ATF7: variants seen among roughly 807,000 people sequenced by gnomAD.
ATF7 encodes the protein cyclic AMP-dependent transcription factor ATF-7.
ATF7 carries 10 observed loss-of-function variants against 50.4 expected under a neutral mutation model. That is an observed-to-expected ratio of 0.20 (90% CI 0.12 to 0.34). ATF7 has a LOEUF of 0.34. Ranked by LOEUF, ATF7 falls within the 10% of genes least tolerant of loss-of-function variation. ATF7 has a pLI of 1.00. For missense variants in ATF7, 465 were observed against 613.9 expected (o/e 0.76, Z 2.56); for synonymous variants, 201 against 226.4 (o/e 0.89, Z 1.01).
intron 1 of ATF7, among the ~76,000 whole-genome samples, chr12:53,613,369 CA>C (rs1943979997): frequency 6.6e-6 from 1 of 152,106 alleles, no homozygotes; most frequent in Admixed American, 6.5e-5. Context: ...TCTTTTTAAA[CA>C]AAATAGTTAT....
At chr12:53,557,518 C>A (rs972137278) in intron 2 of ATF7, among the ~76,000 whole-genome samples, 2 of 152,152 alleles carry the variant, frequency 1.3e-5, no homozygotes, top group Non-Finnish European at 2.9e-5. Flanking sequence ...TTTGTTAATA[C>A]CCTTAAAGGA....
intron 5 of ATF7, among the ~76,000 whole-genome samples, chr12:53,534,913 C>T (rs1939128560): frequency 1.3e-5 from 2 of 152,106 alleles, no homozygotes; most frequent in Non-Finnish European, 2.9e-5. Context: ...TGGAATATCA[C>T]TTGAAATCTC....
At position 53,575,199 on chromosome 12, in the gene ATF7, A is replaced by G. The variant is rs1469575522; in HGVS notation, c.49-22562T>C. Among the ~76,000 whole-genome samples the G allele has an allele frequency of 1.2e-3, 183 of 151,226 alleles. 1 individual carries two copies. The South Asian group carries it at 0.014, about 11-fold the overall frequency. On this transcript the variant is annotated intron_variant, in intron 2 of 11. Coordinates refer to ENST00000420353, the MANE Select transcript of ATF7 (RefSeq NM_006856.3). ...GAGGCAGGCGGATCACCTGAGGTTGAGAGTTCGAGACCAGCCTGACCAACA... is the reference window on the plus strand; with the variant it reads ...GAGGCAGGCGGATCACCTGAGGTTGGGAGTTCGAGACCAGCCTGACCAACA...
At chr12:53,573,177 CTG>C (rs1052744279) in intron 2 of ATF7, among the ~76,000 whole-genome samples, 1 of 150,948 alleles carries the variant, frequency 6.6e-6, no homozygotes, top group Non-Finnish European at 1.5e-5. Context: ...ATTTTTATAA[CTG>C]TTCTATTTTA....
intron 1 of ATF7, among the ~76,000 whole-genome samples, chr12:53,625,280 G>T (rs981644336): frequency 1.3e-5 from 2 of 152,126 alleles, no homozygotes; most frequent in African/African-American, 4.8e-5. Context: ...TTGGGTAATA[G>T]AAGAGAGGGA....
intron 1 of ATF7, among the ~76,000 whole-genome samples, chr12:53,605,287 G>T (rs1280981020): frequency 7.3e-5 from 11 of 151,526 alleles, no homozygotes; most frequent in Non-Finnish European, 5.9e-5. Flanking sequence ...TACTTGGGAG[G>T]CTGAGGCAGG....
At chr12:53,536,621 CT>C (rs1939242288) in intron 5 of ATF7, among the ~76,000 whole-genome samples, 3 of 150,692 alleles carry the variant, frequency 2.0e-5, no homozygotes, top group South Asian at 4.4e-4. Flanking sequence ...GGCGCGGTGG[CT>C]CAATCCTGTA....
At chr12:53,617,803 C>T (rs932696040) in intron 1 of ATF7, among the ~76,000 whole-genome samples, 8 of 151,376 alleles carry the variant, frequency 5.3e-5, no homozygotes, top group African/African-American at 1.5e-4. Context: ...CCTTCATTTC[C>T]GAGGAAGTGA....
intron 2 of ATF7, among the ~76,000 whole-genome samples, chr12:53,570,414 A>C (rs1941683491): frequency 6.6e-6 from 1 of 152,196 alleles, no homozygotes. Context: ...AGGGGCTAAG[A>C]GGTTGGAACT....
At chr12:53,596,362 C>T (rs1943157026) in intron 2 of ATF7, among the ~76,000 whole-genome samples, 1 of 152,058 alleles carries the variant, frequency 6.6e-6, no homozygotes, top group Admixed American at 6.6e-5. Context: ...AAACCTTTCT[C>T]ACTGGCTAAG....
At chr12:53,533,984 A>T (rs1405883411) in intron 6 of ATF7, among the ~76,000 whole-genome samples, 1 of 152,226 alleles carries the variant, frequency 6.6e-6, no homozygotes, top group Non-Finnish European at 1.5e-5. Flanking sequence ...AAATTAAGAA[A>T]GTATTACCCC....
At chr12:53,577,603 CT>C (rs1401929738) in intron 2 of ATF7, among the ~76,000 whole-genome samples, 2 of 151,596 alleles carry the variant, frequency 1.3e-5, no homozygotes, top group Non-Finnish European at 2.9e-5. Flanking sequence ...GTAATCCCAG[CT>C]ACTCGGGAGG....
At chr12:53,522,332 G>A (rs1480502997) in intron 11 of ATF7, among the ~76,000 whole-genome samples, 1 of 152,072 alleles carries the variant, frequency 6.6e-6, no homozygotes, top group Non-Finnish European at 1.5e-5. Flanking sequence ...GCTGAGGCAG[G>A]TGGATCACCT....
At chr12:53,596,650 T>C (rs1245204077) in intron 2 of ATF7, among the ~76,000 whole-genome samples, 2 of 152,212 alleles carry the variant, frequency 1.3e-5, no homozygotes, top group Non-Finnish European at 2.9e-5. Context: ...TGCGTTTATA[T>C]GAAATAACAT....
chr12:53,578,268 G>A (rs1029913233), intron 2 of ATF7, among the ~76,000 whole-genome samples: 1 of 151,240 alleles, frequency 6.6e-6, no homozygotes. Context: ...TAGCTATTTG[G>A]GAGGCTGAGG....
chr12:53,619,552 C>A (rs931696142), intron 1 of ATF7, among the ~76,000 whole-genome samples: 1 of 150,020 alleles, frequency 6.7e-6, no homozygotes, highest in East Asian at 2.0e-4. Flanking sequence ...GGGGGCCCAG[C>A]CTGTAATTCC....
At position 53,554,787 on chromosome 12, in the gene ATF7, C is replaced by T. The variant is rs528911848; in HGVS notation, c.49-2150G>A. Among the ~76,000 whole-genome samples the T allele has an allele frequency of 1.2e-4, 16 of 135,698 alleles. No individual in the cohort carries two copies. In the South Asian group the frequency reaches 2.1e-3, roughly 17 times the overall value. 89.0% of individuals were successfully genotyped at this position (135,698 alleles called of 152,430 possible). On this transcript the variant is annotated intron_variant, in intron 2 of 11. Coordinates refer to ENST00000420353, the MANE Select transcript of ATF7 (RefSeq NM_006856.3). ...CTGAGGCACGAGAATTGCTTGAACC[C>T]GGGAGGTGGAGTTTGCAGTGAGCCG...
Position 53,524,962 on chromosome 12 carries a change from C to G in ATF7, c.928-201G>C. 1 of 542,040 alleles carries G rather than the reference C, an allele frequency of 1.8e-6. No individual in the cohort carries two copies. Among genetic ancestry groups the G allele is most frequent in the Non-Finnish European group, 3.2e-6 (1 of 310,780 alleles). The allele number at this position is 542,040 out of a possible 1,614,324, so 33.6% of individuals were successfully genotyped here. On this transcript the variant is annotated intron_variant, in intron 9 of 11. Transcript: ENST00000420353. This position sits in a 1 kb window ranked among gnomAD's most constrained non-coding sequence, Gnocchi z 4.6. ...GCCTCCTATTTCCTTCCAGTCTTCT[C>G]AGTCTCATACTTAGACAAACTACAG... is the stretch of plus-strand genomic sequence containing the variant.
chr12:53,596,424 T>C (rs1305951135), intron 2 of ATF7, among the ~76,000 whole-genome samples: 1 of 152,208 alleles, frequency 6.6e-6, no homozygotes, highest in Non-Finnish European at 1.5e-5. Flanking sequence ...AGGAAATGCG[T>C]TCCTGTTTTT....
Sources: gnomAD v4.1 joint callset for allele counts (sites outside exome capture counted in the v4.1 genomes callset) on GRCh38, gnomAD v4.1.1 for gene constraint, Gnocchi (gnomAD v3.1) non-coding constraint, MANE v1.5 for transcripts, NCBI Gene and HGNC (gene_info 2026-07-23, HGNC 2026-07-21) for gene names.